SPAG16: variants seen among roughly 807,000 people sequenced by gnomAD.
SPAG16 encodes sperm-associated antigen 16 protein.
In SPAG16, 86 loss-of-function variants were observed where a neutral mutation model predicts 80.4. That is an observed-to-expected ratio of 1.07 (90% CI 0.90 to 1.28). The LOEUF (loss-of-function observed/expected upper bound fraction) is 1.28, where lower values mean the gene tolerates loss of function less well. Ranked by LOEUF, SPAG16 falls within the 50% of genes most tolerant of loss-of-function variation. SPAG16 has a pLI of 0.00. For synonymous variants in SPAG16, 294 were observed against 265.9 expected, an observed-to-expected ratio of 1.11 and a Z score of -1.03; for missense variants, 870 against 765.3, an observed-to-expected ratio of 1.14 and a Z score of -1.61.
At chr2:213,759,487 G>A (rs1391224640) in intron 10 of SPAG16, among the ~76,000 whole-genome samples, 1 of 151,886 alleles carries the variant, frequency 6.6e-6, no homozygotes, top group Non-Finnish European at 1.5e-5. Flanking sequence ...ATCAAAAATT[G>A]AGAGGGTGGG....
At chr2:214,347,216 A>G (rs987969189) in intron 15 of SPAG16, among the ~76,000 whole-genome samples, 8 of 152,212 alleles carry the variant, frequency 5.3e-5, no homozygotes, top group Admixed American at 5.2e-4. Flanking sequence ...AAAGTTGTCA[A>G]TGTACCTAAT....
intron 11 of SPAG16, among the ~76,000 whole-genome samples, chr2:213,906,821 T>C (rs2077453129): frequency 6.6e-6 from 1 of 152,108 alleles, no homozygotes; most frequent in Non-Finnish European, 1.5e-5. Flanking sequence ...TTGTGAAGAA[T>C]AAAACTAGAC....
Position 213,609,270 on chromosome 2 carries a change from A to G in SPAG16, c.1070+119180A>G, listed in dbSNP as rs546258422. ...TTCTAAATTACTGGAACAGTGATTT[A>G]TAGTGACTATTTCTAACCATTTCAC... On this transcript the variant is annotated intron_variant, in intron 10 of 15. Coordinates refer to ENST00000331683, the MANE Select transcript of SPAG16 (RefSeq NM_024532.5). Among the ~76,000 whole-genome samples the G allele has an allele frequency of 2.0e-5, 3 of 152,344 alleles. No individual in the cohort carries two copies. In the East Asian group the frequency reaches 5.8e-4, roughly 29 times the overall value.
intron 10 of SPAG16, among the ~76,000 whole-genome samples, chr2:213,701,500 C>G (rs1164937275): frequency 6.6e-6 from 1 of 152,104 alleles, no homozygotes; most frequent in Non-Finnish European, 1.5e-5. Flanking sequence ...GTGGGAGCCC[C>G]TCTCTGGGCT....
chr2:213,586,541 C>A (rs548073363), intron 10 of SPAG16, among the ~76,000 whole-genome samples: 2 of 152,346 alleles, frequency 1.3e-5, no homozygotes, highest in East Asian at 1.9e-4. Flanking sequence ...CCGACACTCT[C>A]AAATTCATGT....
chr2:213,911,909 T>C (rs939667010), intron 11 of SPAG16, among the ~76,000 whole-genome samples: 4 of 150,058 alleles, frequency 2.7e-5, no homozygotes, highest in Non-Finnish European at 4.4e-5. Context: ...TTAAAAGAGG[T>C]ATCCATGAAG....
intron 10 of SPAG16, among the ~76,000 whole-genome samples, chr2:213,837,972 AT>A (rs1468182829): frequency 6.6e-6 from 1 of 152,136 alleles, no homozygotes; most frequent in Non-Finnish European, 1.5e-5. Context: ...AAAGAGGCAT[AT>A]TTTAGGGTGA....
chr2:213,629,202 A>G lies in SPAG16; in HGVS notation c.1070+139112A>G, dbSNP rs114553466. ...ACACAAACTTACTTAGTATGTGACT[A>G]TTTTTGACTTGTCCCTTCAACAGCC... On this transcript the variant is annotated intron_variant, in intron 10 of 15. Transcript: ENST00000331683. 2.4e-3 allele frequency among the ~76,000 whole-genome samples: 372 copies of G among 152,304 alleles called. 2 individuals are homozygous for G. Among genetic ancestry groups the G allele is most frequent in the African/African-American group, 8.4e-3 (348 of 41,560 alleles).
At chr2:214,038,556 T>A (rs1165306985) in intron 13 of SPAG16, among the ~76,000 whole-genome samples, 1 of 152,312 alleles carries the variant, frequency 6.6e-6, no homozygotes, top group Non-Finnish European at 1.5e-5. Context: ...AGATTTTTTT[T>A]AATACTTTAA....
intron 15 of SPAG16, among the ~76,000 whole-genome samples, chr2:214,354,805 G>C (rs997779020): frequency 5.3e-4 from 81 of 152,068 alleles, no homozygotes; most frequent in Non-Finnish European, 1.1e-3. Context: ...CTGTTTGTCT[G>C]TTATTGGTGT....
intron 10 of SPAG16, among the ~76,000 whole-genome samples, chr2:213,758,844 A>C (rs1325627686): frequency 1.3e-5 from 2 of 152,202 alleles, no homozygotes; most frequent in Non-Finnish European, 2.9e-5. Flanking sequence ...ACTCAAAAAG[A>C]CATAAACTGA....
chr2:214,300,510 T>C (rs1694471058), intron 15 of SPAG16, among the ~76,000 whole-genome samples: 1 of 152,086 alleles, frequency 6.6e-6, no homozygotes, highest in Non-Finnish European at 1.5e-5. Flanking sequence ...TTTTACAAAT[T>C]TTTTTAAAGA....
intron 5 of SPAG16, among the ~76,000 whole-genome samples, chr2:213,333,969 G>A (rs1429807652): frequency 6.6e-6 from 1 of 152,058 alleles, no homozygotes; most frequent in Admixed American, 6.6e-5. Flanking sequence ...TGGACAAATG[G>A]CATCACATCA....
intron 10 of SPAG16, among the ~76,000 whole-genome samples, chr2:213,603,231 G>T (rs2061130303): frequency 6.6e-6 from 1 of 152,148 alleles, no homozygotes; most frequent in African/African-American, 2.4e-5. Context: ...GACAGAGTCT[G>T]TATTTTCTAC....
At chr2:213,578,716 A>G (rs935402541) in intron 10 of SPAG16, among the ~76,000 whole-genome samples, 1 of 152,106 alleles carries the variant, frequency 6.6e-6, no homozygotes, top group Admixed American at 6.6e-5. Context: ...GAGTTTTCCT[A>G]CATTAATATG....
At chr2:213,399,267 C>T (rs1417407588) in intron 9 of SPAG16, among the ~76,000 whole-genome samples, 1 of 151,820 alleles carries the variant, frequency 6.6e-6, no homozygotes, top group East Asian at 1.9e-4. Flanking sequence ...GGTGGTTATT[C>T]TTTATCAAGT....
chr2:213,370,386 G>A (rs1487658696), intron 8 of SPAG16, among the ~76,000 whole-genome samples: 2 of 152,138 alleles, frequency 1.3e-5, no homozygotes, highest in Non-Finnish European at 2.9e-5. Flanking sequence ...TCTGTGTTAT[G>A]TGACTACTTC....
chr2:214,312,584 C>G (rs1695407994), intron 15 of SPAG16, among the ~76,000 whole-genome samples: 2 of 152,090 alleles, frequency 1.3e-5, no homozygotes, highest in South Asian at 4.1e-4. Flanking sequence ...CAAACAGAAA[C>G]CAATGTATCG....
chr2:213,416,794 G>A (rs2069283730), intron 9 of SPAG16, among the ~76,000 whole-genome samples: 2 of 152,156 alleles, frequency 1.3e-5, no homozygotes, highest in South Asian at 2.1e-4. Context: ...TTATACTCAT[G>A]ATCTTAAAGA....
Sources: gnomAD v4.1 joint callset for allele counts (sites outside exome capture counted in the v4.1 genomes callset) on GRCh38, gnomAD v4.1.1 for gene constraint, MANE v1.5 for transcripts, NCBI Gene and HGNC (gene_info 2026-07-23, HGNC 2026-07-21) for gene names.